The following NLGN2 variants were observed in gnomAD, a reference collection of about 807,000 sequenced individuals.
NLGN2 encodes neuroligin-2.
Under a neutral mutation model 48.6 loss-of-function variants are expected in NLGN2, and 11 were observed. The ratio of observed to expected loss-of-function variants is 0.23; its 90% confidence interval spans 0.14 to 0.37. The LOEUF is 0.37. Ranked by LOEUF, NLGN2 falls within the 10% of genes least tolerant of loss-of-function variation. The probability of loss-of-function intolerance (pLI) is 1.00; values close to 1 mark genes in which losing one functional copy is unlikely to be tolerated. For synonymous variants in NLGN2, 548 were observed against 550.0 expected (o/e 1.00, Z 0.05); for missense variants, 801 against 1,225.2 (o/e 0.65, Z 5.17).
At position 7,408,244 on chromosome 17, in the gene NLGN2, C is replaced by A. The variant is rs942729800; in HGVS notation, c.-12C>A. The A allele has an allele frequency of 4.7e-6, 6 of 1,266,134 alleles. No individual in the cohort carries two copies. Among genetic ancestry groups the A allele is most frequent in the South Asian group, 2.4e-5 (1 of 41,150 alleles). 78.4% of individuals were successfully genotyped at this position (1,266,134 alleles called of 1,614,324 possible). On this transcript the variant is annotated 5_prime_UTR_variant, in exon 1 of 7. Transcript: ENST00000302926. The surrounding 1 kb of genome is among the most constrained non-coding windows in gnomAD (Gnocchi z 7.5). ...GGGGTCCCAGGGAGGGAGGGGGGGT[C>A]CCCCGATCAGCATGTGGCTCCTGGC... is the stretch of plus-strand genomic sequence containing the variant.
In NLGN2 at chr17:7,416,255, C is replaced by T. The variant is rs1282749809; in HGVS notation, c.1634+148C>T. On this transcript the variant is annotated intron_variant, in intron 6 of 6. Coordinates refer to ENST00000302926, the MANE Select transcript of NLGN2 (RefSeq NM_020795.4). The stretch of plus-strand genomic sequence containing the variant: ...CCTCTGTGCCAGGCACGGAGTTGAG[C>T]GTTGGAGACTCAGCAGTATCAGACA... 2.5e-5 allele frequency: 17 copies of T among 682,286 alleles called. No individual in the cohort carries two copies. In the East Asian group the frequency reaches 3.5e-4, roughly 14 times the overall value. 42.3% of individuals were successfully genotyped at this position (682,286 alleles called of 1,614,324 possible).
intron 4 of NLGN2, 41 bp from the exon 5 acceptor site, chr17:7,414,915 C>A (rs112933743): frequency 2.5e-6 from 4 of 1,612,994 alleles, no homozygotes; most frequent in Admixed American, 3.3e-5. Context: ...TCCTTCAGGC[C>A]GGTACTCACA....
At chr17:7,405,903 G>A (rs1249861605), upstream of NLGN2, among the ~76,000 whole-genome samples, 1 of 152,058 alleles carries the variant, frequency 6.6e-6, no homozygotes, top group African/African-American at 2.4e-5. This position sits in a 1 kb window ranked among gnomAD's most constrained non-coding sequence, Gnocchi z 6.8. Context: ...GGGGGGGCCT[G>A]CGGCCTGAGC....
rs56706458 is a variant in NLGN2, at chr17:7,409,282, T to A, written c.457+570T>A. ...GGCAGTGGTACCGATGTCCTTCTCT[T>A]CTCCCTTGACCCCTGTACGCCCCTG... On this transcript the variant is annotated intron_variant, in intron 1 of 6. Coordinates refer to ENST00000302926, the MANE Select transcript of NLGN2 (RefSeq NM_020795.4). Among the ~76,000 whole-genome samples, 445 of 152,092 alleles carry A rather than the reference T, an allele frequency of 2.9e-3. 3 individuals carry two copies. Among genetic ancestry groups the A allele is most frequent in the African/African-American group, 0.01 (426 of 41,474 alleles).
chr17:7,414,331 C>CA lies in NLGN2; in HGVS notation c.509-13_509-12insA. ...TGACCCCCTGGCCCACCTGCCCACC[C>CA]CTCCCCACACAGATATCCGTGACCC... is the stretch of plus-strand genomic sequence containing the variant. On this transcript the variant is annotated splice_polypyrimidine_tract_variant and intron_variant, in intron 2 of 6. Transcript: ENST00000302926. 4.3e-6 allele frequency: 7 copies of CA among 1,609,880 alleles called. 1 individual carries two copies. Among genetic ancestry groups the CA allele is most frequent in the South Asian group, 1.1e-5 (1 of 90,922 alleles).
Position 7,415,586 on chromosome 17 carries a change from A to G in NLGN2, c.1113A>G (p.Gly371=), listed in dbSNP as rs1485593976. 6.2e-7 allele frequency: 1 copy of G among 1,614,122 alleles called. No homozygotes were observed. The highest frequency in any genetic ancestry group is 8.5e-7 in the Non-Finnish European group (1 of 1,179,938). The change falls in exon 6 of 7, where the codon GGA becomes GGG. Residue 371 remains glycine (G), a synonymous_variant. Transcript: ENST00000302926. ...PDDPEILMQQ[G]EFLNYDMLIG... The stretch of plus-strand genomic sequence containing the variant: ...ACCCTGAGATCCTCATGCAGCAGGG[A>G]GAATTCCTCAACTACGACATGCTCA...
At position 7,408,234 on chromosome 17, in the gene NLGN2, GA is replaced by G. The variant is rs1906729966; in HGVS notation, c.-21del. On this transcript the variant is annotated 5_prime_UTR_variant, in exon 1 of 7. Transcript: ENST00000302926. The surrounding 1 kb of genome is among the most constrained non-coding windows in gnomAD (Gnocchi z 7.5). Reference sequence around the variant, plus strand: ...CCGAGGGGGGGGGGTCCCAGGGAGGGAGGGGGGGTCCCCCGATCAGCATGTG... The same window carrying G: ...CCGAGGGGGGGGGGTCCCAGGGAGGGGGGGGGGTCCCCCGATCAGCATGTG... The G allele has an allele frequency of 1.6e-6, 2 of 1,232,418 alleles. No homozygotes were observed. The highest frequency in any genetic ancestry group is 3.2e-5 in the East Asian group (1 of 31,248). The allele number at this position is 1,232,418 out of a possible 1,614,324, so 76.3% of individuals were successfully genotyped here. A position where few individuals can be genotyped will look rare whatever the true frequency, so the allele number is the denominator to read the frequency against.
In NLGN2 at chr17:7,408,614, CTG is replaced by C; in HGVS notation, c.364_365del (p.Trp122ValfsTer38). 6.2e-7 allele frequency: 1 copy of C among 1,604,696 alleles called. No individual in the cohort carries two copies. Among genetic ancestry groups the C allele is most frequent in the Non-Finnish European group, 8.5e-7 (1 of 1,176,394 alleles). On this transcript the variant is annotated frameshift_variant, in exon 1 of 7. Coordinates refer to ENST00000302926, the MANE Select transcript of NLGN2 (RefSeq NM_020795.4). LOFTEE classifies it high-confidence loss of function. The surrounding 1 kb of genome is among the most constrained non-coding windows in gnomAD (Gnocchi z 7.5). The stretch of plus-strand genomic sequence containing the variant: ...GGGGCGCTGCCCGCCATCATGCTGC[CTG>C]TGTGGTTCACCGACAACTTGGAGGC...
upstream of NLGN2, among the ~76,000 whole-genome samples, chr17:7,406,054 G>T (rs1303377485): frequency 1.3e-5 from 2 of 152,156 alleles, no homozygotes; most frequent in Non-Finnish European, 2.9e-5. Flanking sequence ...GACAGTGATG[G>T]GGAAAGACAG....
chr17:7,406,598 C>G (rs960573682), upstream of NLGN2, among the ~76,000 whole-genome samples: 1 of 146,448 alleles, frequency 6.8e-6, no homozygotes, highest in Non-Finnish European at 1.5e-5. Context: ...CGCGGGCTGG[C>G]GCCTGGCTCT....
rs911129110 is a variant in NLGN2, at chr17:7,414,283, C to T, written c.509-61C>T. 6.6e-6 allele frequency: 10 copies of T among 1,526,420 alleles called. No individual in the cohort carries two copies. The East Asian group carries it at 6.9e-5, about 11-fold the overall frequency. 94.6% of individuals were successfully genotyped at this position (1,526,420 alleles called of 1,614,324 possible). ...CCTGGGAGCTGGGCGCTGCTGCTTC[C>T]GGTCTGACTGTGTCCTTGTCCCTGA... On this transcript the variant is annotated intron_variant, in intron 2 of 6. Transcript: ENST00000302926.
At chr17:7,410,118 G>A (rs904072524) in intron 1 of NLGN2, among the ~76,000 whole-genome samples, 10 of 151,628 alleles carry the variant, frequency 6.6e-5, no homozygotes, top group Non-Finnish European at 7.4e-5. Context: ...AAACACATCC[G>A]GCAAGCTTGC....
Position 7,418,841 on chromosome 17 carries a change from C to T in NLGN2, c.*1042C>T, listed in dbSNP as rs1268619105. ...TGTGGTCCGAGGACAGCCTTTTCCC[C>T]AGGCCTCAGAGCATTGCTCATCCGT... On this transcript the variant is annotated 3_prime_UTR_variant, in exon 7 of 7. Coordinates refer to ENST00000302926, the MANE Select transcript of NLGN2 (RefSeq NM_020795.4). 2 of 152,722 alleles carry T rather than the reference C, an allele frequency of 1.3e-5. No homozygotes were observed. The highest frequency in any genetic ancestry group is 4.8e-5 in the African/African-American group (2 of 41,466). The allele number at this position is 152,722 out of a possible 1,614,324, so 9.5% of individuals were successfully genotyped here.
chr17:7,415,300 G>A, intron 5 of NLGN2, 152 bp downstream of exon 5: 1 of 853,812 alleles, frequency 1.2e-6, no homozygotes, highest in Non-Finnish European at 1.8e-6. Flanking sequence ...CAGTGGAGGT[G>A]CTCAATCAGA....
rs994128376 is a variant in NLGN2 at position 7,408,194 on chromosome 17, C to G, written c.-62C>G. The G allele has an allele frequency of 6.4e-6, 6 of 935,268 alleles. No homozygotes were observed. Among genetic ancestry groups the G allele is most frequent in the South Asian group, 2.6e-5 (1 of 38,184 alleles). The allele number at this position is 935,268 out of a possible 1,614,324, so 57.9% of individuals were successfully genotyped here. A position where few individuals can be genotyped will look rare whatever the true frequency, so the allele number is the denominator to read the frequency against. ...GAGGGGGGCCTCCCTCCCTCTCCCCCCCTTCTCTCTCTCTCCGAGGGGGGG... is the reference window on the plus strand; with the variant it reads ...GAGGGGGGCCTCCCTCCCTCTCCCCGCCTTCTCTCTCTCTCCGAGGGGGGG... On this transcript the variant is annotated 5_prime_UTR_variant, in exon 1 of 7. Transcript: ENST00000302926. The surrounding 1 kb of genome is among the most constrained non-coding windows in gnomAD (Gnocchi z 7.5).
At chr17:7,410,069 C>T (rs533244099) in intron 1 of NLGN2, among the ~76,000 whole-genome samples, 1 of 152,084 alleles carries the variant, frequency 6.6e-6, no homozygotes, top group Admixed American at 6.5e-5. Context: ...TTACCCCACT[C>T]CTACCTAGAG....
rs1239630446 is a variant in NLGN2 at position 7,418,151 on chromosome 17, A to G, written c.*352A>G. On this transcript the variant is annotated 3_prime_UTR_variant, in exon 7 of 7. Coordinates refer to ENST00000302926, the MANE Select transcript of NLGN2 (RefSeq NM_020795.4). ...GAGGTTTTTTTTTGCCACCCTGGACACATGTTGGCCCCCTCAAAGAATTTC... is the reference window on the plus strand; with the variant it reads ...GAGGTTTTTTTTTGCCACCCTGGACGCATGTTGGCCCCCTCAAAGAATTTC... The G allele has an allele frequency of 6.0e-6, 1 of 167,090 alleles. No homozygotes were observed. Among genetic ancestry groups the G allele is most frequent in the African/African-American group, 2.4e-5 (1 of 41,866 alleles). 10.4% of individuals were successfully genotyped at this position (167,090 alleles called of 1,614,324 possible). A position where few individuals can be genotyped will look rare whatever the true frequency, so the allele number is the denominator to read the frequency against.
rs773829700 is a variant in NLGN2 at position 7,417,189 on chromosome 17, C to A, written c.1898C>A (p.Pro633His). 5 of 1,566,494 alleles carry A rather than the reference C, an allele frequency of 3.2e-6. No individual in the cohort carries two copies. The South Asian group carries it at 4.6e-5, about 14-fold the overall frequency. ...TACGCCACGCGCTGGCCGCCTCGTC[C>A]CCCCGCTGGCGCCCCGGGCACACGC... ...PPYATRWPPR[P>H]PAGAPGTRRP... Residue 633 changes from proline to histidine, a missense_variant, in exon 7 of 7, where the codon CCC becomes CAC. By Grantham distance (77) the Pro-to-His change is moderately conservative (BLOSUM62 -2). This residue lies in a region of NLGN2 where 276 missense variants were observed against 313.9 expected (regional missense o/e 0.88). Coordinates refer to ENST00000302926, the MANE Select transcript of NLGN2 (RefSeq NM_020795.4).
In NLGN2 at chr17:7,414,868, C is replaced by G; in HGVS notation, c.844+20C>G. 6.2e-7 allele frequency: 1 copy of G among 1,614,096 alleles called. No individual in the cohort carries two copies. Among genetic ancestry groups the G allele is most frequent in the Non-Finnish European group, 8.5e-7 (1 of 1,179,928 alleles). On this transcript the variant is annotated intron_variant, in intron 4 of 6. Coordinates refer to ENST00000302926, the MANE Select transcript of NLGN2 (RefSeq NM_020795.4). ...CAGAAGGTACCAGCAGTGTCCCAGCCTGTTCCACCCTTCCCAACCCTGCCA... is the reference window on the plus strand; with the variant it reads ...CAGAAGGTACCAGCAGTGTCCCAGCGTGTTCCACCCTTCCCAACCCTGCCA...
Sources: allele counts gnomAD v4.1 joint callset (sites outside exome capture counted in the v4.1 genomes callset), GRCh38; gene constraint gnomAD v4.1.1; regional missense constraint gnomAD v4.1.1; non-coding constraint Gnocchi (gnomAD v3.1); transcripts MANE v1.5; gene names NCBI Gene and HGNC (gene_info 2026-07-23, HGNC 2026-07-21).